The following LYRM4 variants were observed in gnomAD, a reference collection of about 807,000 sequenced individuals.
LYRM4 encodes LYR motif-containing protein 4.
A neutral mutation model predicts 11.7 loss-of-function variants in LYRM4; 9 were observed. The ratio of observed to expected loss-of-function variants is 0.77; its 90% CI spans 0.46 to 1.34. LYRM4 has a LOEUF of 1.34. Among genes scored for constraint, LYRM4 ranks in the 40% most tolerant of loss-of-function variants. The pLI, the probability that LYRM4 is intolerant of heterozygous loss-of-function variation, is 0.00. For missense variants in LYRM4, 133 were observed against 112.5 expected, an observed-to-expected ratio of 1.18 and a Z score of -0.82; for synonymous variants, 42 against 40.4, an observed-to-expected ratio of 1.04 and a Z score of -0.15.
Position 5,225,570 on chromosome 6 carries a change from C to T in LYRM4, c.87-8832G>A, listed in dbSNP as rs1455025995. Among the ~76,000 whole-genome samples the T allele has an allele frequency of 2.6e-5, 4 of 152,102 alleles. No individual in the cohort carries two copies. In the East Asian group the frequency reaches 5.8e-4, roughly 22 times the overall value. On this transcript the variant is annotated intron_variant, in intron 1 of 2. Transcript: ENST00000330636. ...ATTTAGTTTTAAAAATGGTTATATA[C>T]TATTGTATAGATGAACTAGAATTCA...
At position 5,129,061 on chromosome 6, in the gene LYRM4, C is replaced by T. The variant is rs538032485; in HGVS notation, c.208-19570G>A. 3.3e-5 allele frequency among the ~76,000 whole-genome samples: 5 copies of T among 152,328 alleles called. No homozygotes were observed. The South Asian group carries it at 6.2e-4, about 19-fold the overall frequency. On this transcript the variant is annotated intron_variant, in intron 2 of 2. Coordinates refer to ENST00000330636, the MANE Select transcript of LYRM4 (RefSeq NM_020408.6). ...TCCCTGAGGGCTTAGAGGCTGCGAG[C>T]GGCCACAACCCTGCCTGCACCCCAG...
intron 1 of LYRM4, among the ~76,000 whole-genome samples, chr6:5,243,992 T>G (rs972257710): frequency 7.9e-5 from 12 of 152,264 alleles, no homozygotes; most frequent in African/African-American, 2.7e-4. Context: ...GGAAATGATT[T>G]TGAAGACACC....
intron 1 of LYRM4, among the ~76,000 whole-genome samples, chr6:5,259,284 T>C (rs1024576524): frequency 6.6e-6 from 1 of 152,258 alleles, no homozygotes; most frequent in Middle Eastern, 3.2e-3. Flanking sequence ...ATATTTCATG[T>C]GTTTCCTCAA....
chr6:5,201,120 G>A (rs1334425689), intron 2 of LYRM4, among the ~76,000 whole-genome samples: 1 of 152,168 alleles, frequency 6.6e-6, no homozygotes, highest in African/African-American at 2.4e-5. Flanking sequence ...GAAAACTCCA[G>A]CTGTGAAGGG....
At chr6:5,168,323 A>G (rs939762076) in intron 2 of LYRM4, among the ~76,000 whole-genome samples, 1 of 152,228 alleles carries the variant, frequency 6.6e-6, no homozygotes, top group African/African-American at 2.4e-5. Context: ...TTACTTGTTA[A>G]TGACAAGGAG....
chr6:5,199,708 T>C lies in LYRM4; in HGVS notation c.207+16910A>G, dbSNP rs529547364. Among the ~76,000 whole-genome samples, 3 of 152,322 alleles carry C rather than the reference T, an allele frequency of 2.0e-5. No individual in the cohort carries two copies. The South Asian group carries it at 6.2e-4, about 32-fold the overall frequency. ...AAATTGCCAGGAATTGCCAGGCAATTGCCTGAAAAAAGTTGGTGTTCTGGT... is the reference window on the plus strand; with the variant it reads ...AAATTGCCAGGAATTGCCAGGCAATCGCCTGAAAAAAGTTGGTGTTCTGGT... On this transcript the variant is annotated intron_variant, in intron 2 of 2. Transcript: ENST00000330636.
At chr6:5,048,347 T>C in the LYRM4 span, among the ~76,000 whole-genome samples, 29 of 149,106 alleles carry the variant, frequency 1.9e-4, 1 homozygote, top group African/African-American at 6.1e-4. Context: ...GGAGGCTCCC[T>C]CTCTGTTGCC....
At chr6:5,226,278 T>G (rs951655265) in intron 1 of LYRM4, among the ~76,000 whole-genome samples, 9 of 152,206 alleles carry the variant, frequency 5.9e-5, no homozygotes, top group African/African-American at 1.9e-4. Context: ...CCTGAGGACA[T>G]TAAGCCATGT....
At chr6:5,064,772 T>C in the LYRM4 span, among the ~76,000 whole-genome samples, 4 of 152,328 alleles carry the variant, frequency 2.6e-5, no homozygotes, top group African/African-American at 9.6e-5. Context: ...TTTCAATTCA[T>C]GTACACAAAG....
intron 2 of LYRM4, among the ~76,000 whole-genome samples, chr6:5,122,688 C>T (rs1018182179): frequency 6.6e-6 from 1 of 152,232 alleles, no homozygotes; most frequent in Admixed American, 6.5e-5. Context: ...TTCCTGGCTG[C>T]ATGCCATGGC....
At chr6:5,050,525 C>T in the LYRM4 span, among the ~76,000 whole-genome samples, 1 of 152,182 alleles carries the variant, frequency 6.6e-6, no homozygotes, top group South Asian at 2.1e-4. Context: ...TTGGAGCCTG[C>T]TCTTTTTTTT....
At chr6:5,193,084 G>A (rs2127694356) in intron 2 of LYRM4, among the ~76,000 whole-genome samples, 1 of 152,276 alleles carries the variant, frequency 6.6e-6, no homozygotes, top group Non-Finnish European at 1.5e-5. Flanking sequence ...CAGTTCAGTA[G>A]GCAGAGGTAA....
At chr6:5,220,052 C>T (rs1762495118) in intron 1 of LYRM4, among the ~76,000 whole-genome samples, 1 of 152,224 alleles carries the variant, frequency 6.6e-6, no homozygotes, top group Non-Finnish European at 1.5e-5. Flanking sequence ...AGGAGACTCC[C>T]ATTTGGCTTT....
Position 5,219,642 on chromosome 6 carries a change from T to G in LYRM4, c.87-2904A>C, listed in dbSNP as rs142700430. Among the ~76,000 whole-genome samples, 666 of 152,190 alleles carry G rather than the reference T, an allele frequency of 4.4e-3. 3 individuals carry two copies. The highest frequency in any genetic ancestry group is 0.015 in the African/African-American group (639 of 41,542). Reference sequence around the variant, plus strand: ...AAAAATCTGAGTGAATCTTCAAATTTGGTGGGAGGGGGCTAATCACCAGTT... The same window carrying G: ...AAAAATCTGAGTGAATCTTCAAATTGGGTGGGAGGGGGCTAATCACCAGTT... On this transcript the variant is annotated intron_variant, in intron 1 of 2. Coordinates refer to ENST00000330636, the MANE Select transcript of LYRM4 (RefSeq NM_020408.6).
rs139751736 is a variant in LYRM4, at chr6:5,241,992, T to C, written c.86+18656A>G. On this transcript the variant is annotated intron_variant, in intron 1 of 2. Transcript: ENST00000330636. ...CAAACACTCCCGGCCATATTACTAC[T>C]ACCTTAATCTGTAAGTGCTTTACAG... 3.3e-3 allele frequency among the ~76,000 whole-genome samples: 503 copies of C among 152,012 alleles called. 5 individuals are homozygous for C. Among genetic ancestry groups the C allele is most frequent in the African/African-American group, 0.011 (452 of 41,456 alleles).
intron 2 of LYRM4, among the ~76,000 whole-genome samples, chr6:5,207,736 C>T (rs1408544654): frequency 6.6e-6 from 1 of 152,002 alleles, no homozygotes; most frequent in African/African-American, 2.4e-5. Flanking sequence ...GTGTAGTTTT[C>T]GTATTTATTT....
the LYRM4 span, among the ~76,000 whole-genome samples, chr6:5,097,154 ACT>A: frequency 6.6e-6 from 1 of 152,002 alleles, no homozygotes. Flanking sequence ...GCTGGTGGAG[ACT>A]CTCTGCAGAA....
chr6:5,070,507 G>A, the LYRM4 span, among the ~76,000 whole-genome samples: 5 of 152,108 alleles, frequency 3.3e-5, no homozygotes. Context: ...TTGATTGTTT[G>A]TAATAAGTAT....
intron 1 of LYRM4, among the ~76,000 whole-genome samples, chr6:5,248,243 A>C (rs1423715089): frequency 6.6e-6 from 1 of 152,238 alleles, no homozygotes; most frequent in African/African-American, 2.4e-5. Context: ...TCTGTTTATC[A>C]ACATACCTCA....
Sources: gnomAD v4.1 joint callset for allele counts (sites outside exome capture counted in the v4.1 genomes callset) on GRCh38, gnomAD v4.1.1 for gene constraint, MANE v1.5 for transcripts, NCBI Gene and HGNC (gene_info 2026-07-23, HGNC 2026-07-21) for gene names.